Variants in HECTD4 observed in about 807,000 individuals in gnomAD.
HECTD4 encodes the protein HECT domain E3 ubiquitin protein ligase 4, also known as probable E3 ubiquitin-protein ligase HECTD4.
A neutral mutation model predicts 471.5 loss-of-function variants in HECTD4; 114 were observed. The observed-to-expected ratio is 0.24, with a 90% CI of 0.21 to 0.28. The LOEUF is 0.28. HECTD4 is among the 10% of genes least tolerant of loss of function. HECTD4 has a pLI of 1.00. For missense variants in HECTD4, 3,866 were observed against 5,651.5 expected (o/e 0.68, Z 10.13); for synonymous variants, 2,012 against 2,256.0 (o/e 0.89, Z 3.07).
intron 1 of HECTD4, among the ~76,000 whole-genome samples, chr12:112,378,030 G>A (rs902936422): frequency 6.6e-6 from 1 of 152,146 alleles, no homozygotes; most frequent in African/African-American, 2.4e-5. Context: ...CTTACAGGGT[G>A]AACAGAACAC....
chr12:112,172,592 T>C, intron 67 of HECTD4, 79 bp downstream of exon 67: 1 of 1,387,764 alleles, frequency 7.2e-7, no homozygotes, highest in Non-Finnish European at 1.0e-6. Context: ...TAAATGAATC[T>C]AGCCCTTGTA....
chr12:112,325,358 A>G (rs1010585779), intron 1 of HECTD4, among the ~76,000 whole-genome samples: 2 of 152,212 alleles, frequency 1.3e-5, no homozygotes, highest in Non-Finnish European at 1.5e-5. Context: ...CTATGCTTTC[A>G]GAAATCCATT....
intron 13 of HECTD4, among the ~76,000 whole-genome samples, chr12:112,268,099 C>T (rs2034321379): frequency 6.6e-6 from 1 of 152,214 alleles, no homozygotes; most frequent in Non-Finnish European, 1.5e-5. Context: ...CTGGGGATTA[C>T]AGGCATGAGC....
rs754284740 is a variant in HECTD4, at chr12:112,172,657, C to T, written c.11785+14G>A. On this transcript the variant is annotated intron_variant, in intron 67 of 75. Coordinates refer to ENST00000682272, the MANE Select transcript of HECTD4 (RefSeq NM_001388303.1). ...TCAGGCAGCAGGGGAGGGGATAGGC[C>T]CAGGGCCACATACTCAGGAGACAGG... The T allele has an allele frequency of 6.2e-7, 1 of 1,613,032 alleles. No individual in the cohort carries two copies. Among genetic ancestry groups the T allele is most frequent in the East Asian group, 2.2e-5 (1 of 44,844 alleles).
chr12:112,258,603 C>A lies in HECTD4; in HGVS notation c.3028-7G>T. The A allele has an allele frequency of 6.3e-7, 1 of 1,590,586 alleles. No individual in the cohort carries two copies. On this transcript the variant is annotated splice_region_variant and splice_polypyrimidine_tract_variant and intron_variant, in intron 19 of 75. Transcript: ENST00000682272. ...TTTTAAGCAGCAACGCCGTCTGAAACACAAAACCATCATTATGTCTTCCAG... is the reference window on the plus strand; with the variant it reads ...TTTTAAGCAGCAACGCCGTCTGAAAAACAAAACCATCATTATGTCTTCCAG...
At chr12:112,260,422 T>C (rs957019096) in intron 18 of HECTD4, among the ~76,000 whole-genome samples, 1 of 152,220 alleles carries the variant, frequency 6.6e-6, no homozygotes, top group African/African-American at 2.4e-5. Context: ...ACCTCCTATC[T>C]ACTCTCTGGG....
chr12:112,342,326 G>A (rs566962617), intron 1 of HECTD4, among the ~76,000 whole-genome samples: 1 of 152,248 alleles, frequency 6.6e-6, no homozygotes, highest in African/African-American at 2.4e-5. Context: ...TTGTGATAGT[G>A]CATGCCTGTA....
At chr12:112,308,499 G>A (rs2035312623) in intron 6 of HECTD4, among the ~76,000 whole-genome samples, 1 of 149,062 alleles carries the variant, frequency 6.7e-6, no homozygotes, top group East Asian at 2.0e-4. Context: ...ATCTTTGACT[G>A]TCTAGAATTT....
Position 112,336,355 on chromosome 12 carries a change from C to G in HECTD4, c.178-16613G>C, listed in dbSNP as rs568848731. Among the ~76,000 whole-genome samples the G allele has an allele frequency of 2.8e-3, 428 of 152,088 alleles. 5 individuals carry two copies. Among genetic ancestry groups the G allele is most frequent in the African/African-American group, 9.6e-3 (399 of 41,484 alleles). The stretch of plus-strand genomic sequence containing the variant: ...TGGCTAACACGGTGAAACCCTGTCT[C>G]TACTAAAAATACAAAAAATTAGCTG... On this transcript the variant is annotated intron_variant, in intron 1 of 75. Transcript: ENST00000682272.
At chr12:112,182,780 GC>G (rs1160793210) in intron 62 of HECTD4, among the ~76,000 whole-genome samples, 2 of 152,398 alleles carry the variant, frequency 1.3e-5, no homozygotes, top group East Asian at 3.9e-4. Flanking sequence ...CGCCCTGACA[GC>G]TGGGAGAAGG....
intron 32 of HECTD4, among the ~76,000 whole-genome samples, chr12:112,240,513 G>A (rs572100431): frequency 2.0e-5 from 3 of 151,330 alleles, no homozygotes; most frequent in East Asian, 1.9e-4. Flanking sequence ...GCAGTGGTAC[G>A]ATCACAGCTC....
At chr12:112,253,235 C>A (rs1185952704) in intron 22 of HECTD4, among the ~76,000 whole-genome samples, 1 of 152,130 alleles carries the variant, frequency 6.6e-6, no homozygotes, top group Non-Finnish European at 1.5e-5. Flanking sequence ...AGCGATTCTC[C>A]TGTCTCAGCC....
In HECTD4 at chr12:112,189,000, G is replaced by A. The variant is rs764904328; in HGVS notation, c.9472+1786C>T. 1.3e-5 allele frequency among the ~76,000 whole-genome samples: 2 copies of A among 152,188 alleles called. No individual in the cohort carries two copies. The highest frequency in any genetic ancestry group is 2.9e-5 in the Non-Finnish European group (2 of 68,040). ...GCGCTGAAACTTATTCTCAGACAGT[G>A]TTCTCTGCTTACGTCCCCCCTATCC... On this transcript the variant is annotated intron_variant, in intron 60 of 75. Coordinates refer to ENST00000682272, the MANE Select transcript of HECTD4 (RefSeq NM_001388303.1). This position sits in a 1 kb window ranked among gnomAD's most constrained non-coding sequence, Gnocchi z 4.2.
chr12:112,247,640 C>A, intron 27 of HECTD4, 90 bp from the exon 28 acceptor site: 1 of 514,678 alleles, frequency 1.9e-6, no homozygotes. Flanking sequence ...CAGAGAAAAA[C>A]CACCACCTTT....
rs58503491 is a variant in HECTD4, at chr12:112,332,540, CAAAAAAAA to C, written c.178-12806_178-12799del. On this transcript the variant is annotated intron_variant, in intron 1 of 75. Coordinates refer to ENST00000682272, the MANE Select transcript of HECTD4 (RefSeq NM_001388303.1). ...TGGGTGACAGATTAAGACTCTGTCT[CAAAAAAAA>C]AAAAAAAAAAAAAGATTCCTGGAAT... 6.3e-5 allele frequency among the ~76,000 whole-genome samples: 4 copies of C among 63,026 alleles called. No homozygotes were observed. The East Asian group carries it at 1.0e-3, about 16-fold the overall frequency. The allele number at this position is 63,026 out of a possible 152,430, so 41.3% of individuals were successfully genotyped here.
chr12:112,270,481 G>A, intron 11 of HECTD4, 22 bp from the exon 12 acceptor site: 1 of 1,592,350 alleles, frequency 6.3e-7, no homozygotes, highest in Non-Finnish European at 8.6e-7. Flanking sequence ...AAAGGAAACT[G>A]AGTGAGGAAA....
Position 112,312,361 on chromosome 12 carries a change from G to A in HECTD4, c.916+656C>T, listed in dbSNP as rs10850028. Among the ~76,000 whole-genome samples the A allele has an allele frequency of 0.056, 8,482 of 152,214 alleles. 1,299 individuals are homozygous for A. The East Asian group carries it at 0.61, about 11-fold the overall frequency. On this transcript the variant is annotated intron_variant, in intron 4 of 75. Transcript: ENST00000682272. Reference sequence around the variant, plus strand: ...CAAGCCTGCAATTCCGCTGGTGGGAGCAGAGCTGACCAGCCCTGTGGGTTC... The same window carrying A: ...CAAGCCTGCAATTCCGCTGGTGGGAACAGAGCTGACCAGCCCTGTGGGTTC...
chr12:112,310,235 A>G (rs1185091951), intron 4 of HECTD4, among the ~76,000 whole-genome samples: 2 of 152,224 alleles, frequency 1.3e-5, no homozygotes, highest in South Asian at 2.1e-4. Flanking sequence ...CTAGTATTCC[A>G]TAAATGGCAA....
At chr12:112,190,685 C>T (rs1213166320) in intron 60 of HECTD4, 101 bp downstream of exon 60, 1 of 1,075,616 alleles carries the variant, frequency 9.3e-7, no homozygotes, top group African/African-American at 1.6e-5. Flanking sequence ...GCCTGGGCTA[C>T]CTGTGGCCAC....
Sources: gnomAD v4.1 joint callset for allele counts (sites outside exome capture counted in the v4.1 genomes callset) on GRCh38, gnomAD v4.1.1 for gene constraint, Gnocchi (gnomAD v3.1) non-coding constraint, MANE v1.5 for transcripts, NCBI Gene and HGNC (gene_info 2026-07-23, HGNC 2026-07-21) for gene names.